FXR1: variants seen among roughly 807,000 people sequenced by gnomAD.
The protein encoded by FXR1 is RNA-binding protein FXR1.
Under a neutral mutation model 84.0 loss-of-function variants are expected in FXR1, and 15 were observed. The observed-to-expected ratio is 0.18, with a 90% confidence interval of 0.12 to 0.27. The LOEUF is 0.27. Ranked by LOEUF, FXR1 falls within the 10% of genes least tolerant of loss-of-function variation. The probability of loss-of-function intolerance (pLI) is 1.00; values close to 1 mark genes in which losing one functional copy is unlikely to be tolerated. For missense variants in FXR1, 480 were observed against 774.4 expected (o/e 0.62, Z 4.51); for synonymous variants, 245 against 250.7 (o/e 0.98, Z 0.21).
Position 180,978,012 on chromosome 3 carries a change from T to C in FXR1, c.*1720T>C, listed in dbSNP as rs780835946. 3 of 151,974 alleles carry C rather than the reference T, an allele frequency of 2.0e-5. No individual in the cohort carries two copies. The highest frequency in any genetic ancestry group is 2.9e-5 in the Non-Finnish European group (2 of 67,976). The allele number at this position is 151,974 out of a possible 1,614,324, so 9.4% of individuals were successfully genotyped here. ...CTCCTGTCCTTTATATATAAAGATA[T>C]CAAGTAATTTCATGTCCTGATATTT... is the stretch of plus-strand genomic sequence containing the variant. On this transcript the variant is annotated 3_prime_UTR_variant, in exon 17 of 17. Coordinates refer to ENST00000357559, the MANE Select transcript of FXR1 (RefSeq NM_005087.4).
chr3:180,934,170 G>A (rs1576922538), intron 2 of FXR1, among the ~76,000 whole-genome samples: 1 of 152,274 alleles, frequency 6.6e-6, no homozygotes, highest in African/African-American at 2.4e-5. Context: ...CCACTTTTAA[G>A]CTGTTTCTGG....
At position 180,981,829 on chromosome 3, in the gene FXR1, C is replaced by G. The variant is rs1714624619; in HGVS notation, c.*5537C>G. 6.6e-6 allele frequency: 1 copy of G among 152,034 alleles called. No individual in the cohort carries two copies. The highest frequency in any genetic ancestry group is 2.4e-5 in the African/African-American group (1 of 41,410). The allele number at this position is 152,034 out of a possible 1,614,324, so 9.4% of individuals were successfully genotyped here. On this transcript the variant is annotated 3_prime_UTR_variant, in exon 17 of 17. Transcript: ENST00000357559. ...TTCCCTTTTACAGAGAAAGCTGAAG[C>G]CTCGAGGCTCAGATTTACCTGGCTT...
intron 3 of FXR1, among the ~76,000 whole-genome samples, chr3:180,943,869 C>T (rs184911916): frequency 3.9e-5 from 6 of 152,210 alleles, no homozygotes; most frequent in African/African-American, 1.4e-4. Context: ...ATTCGAACTG[C>T]CTCTCTGAGA....
At chr3:180,966,076 C>T (rs1444554451) in intron 13 of FXR1, among the ~76,000 whole-genome samples, 2 of 152,004 alleles carry the variant, frequency 1.3e-5, no homozygotes, top group Admixed American at 1.3e-4. Context: ...AGTTCTTAAA[C>T]ATTCTGAAAG....
intron 14 of FXR1, among the ~76,000 whole-genome samples, chr3:180,968,701 C>T (rs1368547496): frequency 6.6e-6 from 1 of 151,980 alleles, no homozygotes; most frequent in African/African-American, 2.4e-5. Flanking sequence ...ACTTTGGGAA[C>T]AGGGAAAAAT....
At chr3:180,949,857 A>G (rs572311028) in intron 7 of FXR1, among the ~76,000 whole-genome samples, 1 of 152,328 alleles carries the variant, frequency 6.6e-6, no homozygotes, top group African/African-American at 2.4e-5. Context: ...TAGGACTTAG[A>G]TGACAGGTGC....
Position 180,912,745 on chromosome 3 carries a change from CG to C in FXR1, c.51+10del. On this transcript the variant is annotated intron_variant, in intron 1 of 16. Transcript: ENST00000357559. ...ACGGGGCTTTCTACAAGGTACTGAC[CG>C]TTTTGCCACTTTGTCGAGTGTTCTG... 6.2e-7 allele frequency: 1 copy of C among 1,614,018 alleles called. No homozygotes were observed. The highest frequency in any genetic ancestry group is 8.5e-7 in the Non-Finnish European group (1 of 1,179,988).
chr3:180,973,102 A>G (rs995263743), intron 15 of FXR1, among the ~76,000 whole-genome samples: 2 of 152,180 alleles, frequency 1.3e-5, no homozygotes, highest in African/African-American at 4.8e-5. Context: ...GTCATTACAG[A>G]AATTGCCTGT....
At chr3:180,963,235 G>A (rs538107240) in intron 13 of FXR1, 145 bp downstream of exon 13, 17 of 570,028 alleles carry the variant, frequency 3.0e-5, no homozygotes, top group South Asian at 2.4e-4. Flanking sequence ...TTTAGTACAC[G>A]TCTTAATAGT....
chr3:180,958,403 C>T (rs916293952), intron 10 of FXR1, among the ~76,000 whole-genome samples: 1 of 152,152 alleles, frequency 6.6e-6, no homozygotes, highest in African/African-American at 2.4e-5. Context: ...CCTTCCTCCA[C>T]ACTGAGTCTC....
intron 16 of FXR1, among the ~76,000 whole-genome samples, chr3:180,975,831 A>G (rs1714174522): frequency 2.0e-5 from 3 of 152,080 alleles, no homozygotes; most frequent in South Asian, 4.1e-4. Context: ...TGTTTATGTC[A>G]TTTTCATGGT....
intron 1 of FXR1, among the ~76,000 whole-genome samples, chr3:180,930,107 A>G (rs762212771): frequency 1.3e-5 from 2 of 152,088 alleles, no homozygotes; most frequent in Non-Finnish European, 2.9e-5. Context: ...TGCTAAATAT[A>G]CAAAAATTAG....
intron 3 of FXR1, among the ~76,000 whole-genome samples, chr3:180,941,346 C>A (rs933869662): frequency 6.6e-6 from 1 of 151,906 alleles, no homozygotes; most frequent in Non-Finnish European, 1.5e-5. Flanking sequence ...GCGTGTGCTA[C>A]CATGCTGGGC....
rs1259513827 is a variant in FXR1 at position 180,943,787 on chromosome 3, A to AG, written c.199-4073dup. Among the ~76,000 whole-genome samples the AG allele has an allele frequency of 9.5e-4, 145 of 152,280 alleles. 1 individual carries two copies. The highest frequency in any genetic ancestry group is 5.4e-4 in the Non-Finnish European group (37 of 68,032). The stretch of plus-strand genomic sequence containing the variant: ...ATTATGCTTTGGTGAAAATAGAATA[A>AG]GGGGGTTAGGTAGTTTTAAGACATA... On this transcript the variant is annotated intron_variant, in intron 3 of 16. Coordinates refer to ENST00000357559, the MANE Select transcript of FXR1 (RefSeq NM_005087.4).
At chr3:180,952,513 T>G (rs1422598413) in intron 8 of FXR1, among the ~76,000 whole-genome samples, 2 of 151,584 alleles carry the variant, frequency 1.3e-5, no homozygotes, top group African/African-American at 4.8e-5. Flanking sequence ...GCTATGATCA[T>G]GCCATTGTCC....
chr3:180,945,962 A>G (rs927804776), intron 3 of FXR1, among the ~76,000 whole-genome samples: 4 of 152,230 alleles, frequency 2.6e-5, no homozygotes, highest in African/African-American at 9.7e-5. Flanking sequence ...TCACCATCTC[A>G]GACTTCATAG....
rs1298101614 is a variant in FXR1 at position 180,949,431 on chromosome 3, G to A, written c.630+88G>A. 6.5e-6 allele frequency: 5 copies of A among 771,286 alleles called. No homozygotes were observed. The African/African-American group carries it at 8.5e-5, about 13-fold the overall frequency. 47.8% of individuals were successfully genotyped at this position (771,286 alleles called of 1,614,324 possible). A position where few individuals can be genotyped will look rare whatever the true frequency, so the allele number is the denominator to read the frequency against. On this transcript the variant is annotated intron_variant, in intron 7 of 16. Transcript: ENST00000357559. ...AGACAGATTCTGGCTCTGTTGCCCA[G>A]GCTAGAGTGCAGTGGCACAATCTTG...
intron 1 of FXR1, chr3:180,915,522 C>A: frequency 6.8e-7 from 1 of 1,479,092 alleles, no homozygotes; most frequent in South Asian, 1.2e-5. Flanking sequence ...AATACATGGT[C>A]ACTGAGGTAA....
chr3:180,964,885 A>G (rs1357939584), intron 13 of FXR1, among the ~76,000 whole-genome samples: 3 of 151,844 alleles, frequency 2.0e-5, no homozygotes, highest in African/African-American at 7.3e-5. Context: ...AAACGTGATT[A>G]TTTTTAGCTG....
Sources: gnomAD v4.1 joint callset for allele counts (sites outside exome capture counted in the v4.1 genomes callset) on GRCh38, gnomAD v4.1.1 for gene constraint, MANE v1.5 for transcripts, NCBI Gene and HGNC (gene_info 2026-07-23, HGNC 2026-07-21) for gene names.